Variants in ST18 observed in about 807,000 individuals in gnomAD.
The protein encoded by ST18 is suppression of tumorigenicity 18 protein.
ST18 carries 50 observed loss-of-function variants against 110.0 expected under a neutral mutation model. That is an observed-to-expected ratio of 0.45 (90% confidence interval 0.36 to 0.58). The LOEUF is 0.58. ST18 is among the 20% of genes least tolerant of loss of function. The probability of loss-of-function intolerance (pLI) is 0.00; values close to 1 mark genes in which losing one functional copy is unlikely to be tolerated. For missense variants in ST18, 1,306 were observed against 1,280.1 expected, an observed-to-expected ratio of 1.02 and a Z score of -0.31; for synonymous variants, 461 against 452.4, an observed-to-expected ratio of 1.02 and a Z score of -0.24.
intron 10 of ST18, among the ~76,000 whole-genome samples, chr8:52,168,333 G>A (rs1419221529): frequency 6.6e-6 from 1 of 151,128 alleles, no homozygotes; most frequent in East Asian, 1.9e-4. Flanking sequence ...TGCGTGCGAG[G>A]GTGCGGAGCC....
chr8:52,390,386 C>T (rs1321036904), intron 2 of ST18, among the ~76,000 whole-genome samples: 5 of 152,208 alleles, frequency 3.3e-5, no homozygotes, highest in Non-Finnish European at 7.3e-5. Context: ...ACGCACATCA[C>T]TCTGTCTCTC....
intron 8 of ST18, among the ~76,000 whole-genome samples, chr8:52,195,065 C>A (rs980752753): frequency 1.3e-5 from 2 of 152,096 alleles, no homozygotes; most frequent in African/African-American, 2.4e-5. Context: ...TTTAAGTGCC[C>A]AGAGATTGAC....
intron 2 of ST18, among the ~76,000 whole-genome samples, chr8:52,389,689 C>A (rs1838562182): frequency 6.6e-6 from 1 of 152,184 alleles, no homozygotes; most frequent in Non-Finnish European, 1.5e-5. Flanking sequence ...AGTGCACATG[C>A]GGAGTAAGGA....
chr8:52,146,512 C>A (rs1457877728), intron 16 of ST18, among the ~76,000 whole-genome samples: 1 of 151,326 alleles, frequency 6.6e-6, no homozygotes, highest in Non-Finnish European at 1.5e-5. Context: ...AGGCCTATTA[C>A]TTAATTTCAT....
At chr8:52,389,937 A>AACG (rs1330098230) in intron 2 of ST18, among the ~76,000 whole-genome samples, 1 of 152,170 alleles carries the variant, frequency 6.6e-6, no homozygotes, top group African/African-American at 2.4e-5. Flanking sequence ...CAACAACAAC[A>AACG]ACAACAACAA....
At chr8:52,243,778 G>A (rs550579476) in intron 2 of ST18, among the ~76,000 whole-genome samples, 5 of 152,090 alleles carry the variant, frequency 3.3e-5, no homozygotes, top group Admixed American at 3.3e-4. Context: ...GTACAATGTT[G>A]GTACCACAAG....
At chr8:52,359,467 T>A (rs1425223901) in intron 2 of ST18, among the ~76,000 whole-genome samples, 2 of 152,128 alleles carry the variant, frequency 1.3e-5, no homozygotes, top group Non-Finnish European at 2.9e-5. Flanking sequence ...TTGAATGGCG[T>A]AGACACATAA....
At chr8:52,330,729 T>C (rs10448050) in intron 2 of ST18, among the ~76,000 whole-genome samples, 5,718 of 152,298 alleles carry the variant, frequency 0.038, 182 homozygotes, top group East Asian at 0.086. Context: ...GGGCAGGAAG[T>C]GCACAGCCTG....
At chr8:52,125,719 A>T (rs1414266960) in intron 23 of ST18, among the ~76,000 whole-genome samples, 4 of 151,668 alleles carry the variant, frequency 2.6e-5, no homozygotes, top group African/African-American at 9.7e-5. Context: ...CAAACTCCTG[A>T]CCTCAAGCAA....
At chr8:52,178,333 A>G (rs2067715741) in intron 9 of ST18, among the ~76,000 whole-genome samples, 1 of 152,124 alleles carries the variant, frequency 6.6e-6, no homozygotes, top group South Asian at 2.1e-4. Flanking sequence ...TCATGAATCA[A>G]CAAATAAAAC....
chr8:52,365,507 A>T (rs1355250560), intron 2 of ST18, among the ~76,000 whole-genome samples: 1 of 152,220 alleles, frequency 6.6e-6, no homozygotes, highest in African/African-American at 2.4e-5. Flanking sequence ...AGACTTTAAA[A>T]AAATTTATAT....
chr8:52,134,028 G>A (rs1436172794), intron 19 of ST18, among the ~76,000 whole-genome samples: 1 of 152,144 alleles, frequency 6.6e-6, no homozygotes, highest in African/African-American at 2.4e-5. Flanking sequence ...ACTGTGCCCC[G>A]CCTCCAAATG....
chr8:52,342,921 T>A (rs908764393), intron 2 of ST18, among the ~76,000 whole-genome samples: 1 of 152,180 alleles, frequency 6.6e-6, no homozygotes, highest in African/African-American at 2.4e-5. Flanking sequence ...CAAAAGTGAA[T>A]GGCAAAACGA....
At chr8:52,218,235 C>T (rs928770470) in intron 5 of ST18, among the ~76,000 whole-genome samples, 7 of 151,932 alleles carry the variant, frequency 4.6e-5, no homozygotes, top group African/African-American at 7.2e-5. Flanking sequence ...ATATAATATA[C>T]ATTTATAAGT....
intron 2 of ST18, among the ~76,000 whole-genome samples, chr8:52,317,750 T>C (rs2096057721): frequency 1.3e-5 from 2 of 152,228 alleles, no homozygotes. Flanking sequence ...TCCTTTTGCA[T>C]TCTAATTTCA....
intron 2 of ST18, among the ~76,000 whole-genome samples, chr8:52,287,005 C>A (rs368926953): frequency 2.6e-5 from 4 of 152,120 alleles, no homozygotes; most frequent in African/African-American, 7.2e-5. Context: ...AAAAACTGAG[C>A]AAAAATCTAC....
At chr8:52,200,228 T>C (rs2077499052) in intron 8 of ST18, among the ~76,000 whole-genome samples, 1 of 152,128 alleles carries the variant, frequency 6.6e-6, no homozygotes, top group African/African-American at 2.4e-5. Context: ...AGTAGTTGGA[T>C]TGTGTGTCAA....
At chr8:52,313,904 G>A (rs958169444) in intron 2 of ST18, among the ~76,000 whole-genome samples, 1 of 152,196 alleles carries the variant, frequency 6.6e-6, no homozygotes, top group Non-Finnish European at 1.5e-5. Context: ...CCCAAACATG[G>A]AAGGAAAAGT....
At chr8:52,318,995 T>A (rs554359176) in intron 2 of ST18, among the ~76,000 whole-genome samples, 110 of 152,192 alleles carry the variant, frequency 7.2e-4, no homozygotes, top group South Asian at 1.2e-3. Context: ...AATACCTGGA[T>A]GATGGGATGA....
Sources: gnomAD v4.1 joint callset for allele counts (sites outside exome capture counted in the v4.1 genomes callset) on GRCh38, gnomAD v4.1.1 for gene constraint, MANE v1.5 for transcripts, NCBI Gene and HGNC (gene_info 2026-07-23, HGNC 2026-07-21) for gene names.